PRRG1: variants seen among roughly 807,000 people sequenced by gnomAD.
PRRG1 encodes the protein transmembrane gamma-carboxyglutamic acid protein 1.
Under a neutral mutation model 11.8 loss-of-function variants are expected in PRRG1, and 5 were observed. The observed-to-expected ratio is 0.42, with a 90% CI of 0.22 to 0.89. The LOEUF (loss-of-function observed/expected upper bound fraction) is 0.89, where lower values mean the gene tolerates loss of function less well. PRRG1 is among the 40% of genes least tolerant of loss of function. The pLI is 0.28. For synonymous variants in PRRG1, 66 were observed against 60.4 expected, an observed-to-expected ratio of 1.09 and a Z score of -0.43; for missense variants, 155 against 166.1, an observed-to-expected ratio of 0.93 and a Z score of 0.37.
intron 1 of PRRG1, among the ~76,000 whole-genome samples, chrX:37,371,346 G>A (rs140973114): frequency 3.0e-4 from 33 of 111,770 alleles, no homozygotes; most frequent in African/African-American, 9.4e-4. Flanking sequence ...CTGTTCTGTC[G>A]CTCAGTAAAG....
At chrX:37,374,777 A>C (rs1297895304) in intron 1 of PRRG1, among the ~76,000 whole-genome samples, 6 of 110,482 alleles carry the variant, frequency 5.4e-5, no homozygotes, top group African/African-American at 2.0e-4. Context: ...CTATTTCTCT[A>C]CTGAGGTTTT....
chrX:37,351,525 A>G lies in PRRG1; in HGVS notation c.-42+2130A>G, dbSNP rs180917923. ...AAAAAAAAAGAAAGAAAGAAAGAAA[A>G]AAAAGATAGTAATTCATATTGCATA... On this transcript the variant is annotated intron_variant, in intron 1 of 3. Transcript: ENST00000378628. Among the ~76,000 whole-genome samples the G allele has an allele frequency of 4.4e-3, 496 of 111,901 alleles. 1 individual carries two copies. Among genetic ancestry groups the G allele is most frequent in the Non-Finnish European group, 6.7e-3 (358 of 53,114 alleles).
chrX:37,388,153 G>T (rs1327288650), intron 1 of PRRG1, among the ~76,000 whole-genome samples: 1 of 112,042 alleles, frequency 8.9e-6, no homozygotes, highest in Non-Finnish European at 1.9e-5. Flanking sequence ...CCACCCCTCT[G>T]GCTTTGCAGG....
intron 1 of PRRG1, among the ~76,000 whole-genome samples, chrX:37,377,155 C>T (rs1295733771): frequency 1.1e-4 from 12 of 111,668 alleles, no homozygotes; most frequent in African/African-American, 3.9e-4. Context: ...TATTTCAAGT[C>T]ATTTTAAATA....
intron 3 of PRRG1, among the ~76,000 whole-genome samples, chrX:37,432,614 G>T (rs73466285): frequency 0.013 from 1,481 of 111,507 alleles, 31 homozygotes; most frequent in African/African-American, 0.044. Flanking sequence ...ACATGCCCCA[G>T]AAAGAAAGAG....
chrX:37,392,007 A>G (rs782094854), intron 1 of PRRG1, among the ~76,000 whole-genome samples: 1 of 108,387 alleles, frequency 9.2e-6, no homozygotes, highest in South Asian at 4.0e-4. Flanking sequence ...TGACTTGTTG[A>G]TGTGTGAAAA....
intron 3 of PRRG1, among the ~76,000 whole-genome samples, chrX:37,439,343 CAT>C (rs1281561314): frequency 8.9e-6 from 1 of 112,300 alleles, no homozygotes; most frequent in Non-Finnish European, 1.9e-5. Context: ...CTTTTCATTC[CAT>C]CCCATTGTTG....
chrX:37,415,045 G>C (rs146529272), intron 2 of PRRG1, among the ~76,000 whole-genome samples: 3,102 of 112,356 alleles, frequency 0.028, 106 homozygotes, highest in African/African-American at 0.093. Flanking sequence ...AATGCAGTAT[G>C]CATAGGGAAC....
intron 3 of PRRG1, among the ~76,000 whole-genome samples, chrX:37,432,297 A>G (rs371552535): frequency 1.6e-3 from 152 of 93,253 alleles, no homozygotes; most frequent in African/African-American, 8.7e-3. Context: ...CCTGTTAGCC[A>G]GGATGGTCTC....
intron 1 of PRRG1, among the ~76,000 whole-genome samples, chrX:37,391,184 G>C (rs1343777403): frequency 8.9e-6 from 1 of 112,042 alleles, no homozygotes; most frequent in Non-Finnish European, 1.9e-5. Context: ...GGTAGGATTG[G>C]AGGAGGAACT....
intron 1 of PRRG1, among the ~76,000 whole-genome samples, chrX:37,369,409 G>T (rs1317354691): frequency 9.0e-6 from 1 of 111,302 alleles, no homozygotes; most frequent in Non-Finnish European, 1.9e-5. Flanking sequence ...ACATAGATTT[G>T]TGTAAGATGA....
intron 3 of PRRG1, among the ~76,000 whole-genome samples, 189 bp downstream of exon 3, chrX:37,426,189 A>T (rs781887154): frequency 2.1e-4 from 23 of 111,427 alleles, no homozygotes; most frequent in African/African-American, 6.5e-4. Context: ...CTTGTGCTGG[A>T]CTGTCTTTGA....
intron 1 of PRRG1, among the ~76,000 whole-genome samples, chrX:37,403,955 T>C (rs1261810449): frequency 8.9e-6 from 1 of 111,975 alleles, no homozygotes; most frequent in Non-Finnish European, 1.9e-5. Context: ...TCCTTGGTTT[T>C]ATCTTCCCCT....
At position 37,351,962 on chromosome X, in the gene PRRG1, C is replaced by T. The variant is rs181440580; in HGVS notation, c.-42+2567C>T. Among the ~76,000 whole-genome samples the T allele has an allele frequency of 2.3e-4, 26 of 112,471 alleles. No individual in the cohort carries two copies. The East Asian group carries it at 7.3e-3, about 31-fold the overall frequency. On this transcript the variant is annotated intron_variant, in intron 1 of 3. Coordinates refer to ENST00000378628, the MANE Select transcript of PRRG1 (RefSeq NM_001142395.2). The stretch of plus-strand genomic sequence containing the variant: ...TTTTCGGCCTTTGGCTAATGGGTCT[C>T]TTCATGTTACAGTTCCCTGATAGGC...
chrX:37,410,949 AAAATT>A (rs1932333425), intron 2 of PRRG1, among the ~76,000 whole-genome samples: 1 of 112,249 alleles, frequency 8.9e-6, no homozygotes, highest in African/African-American at 3.2e-5. Context: ...AGGTATAAAT[AAAATT>A]ATATGTAAAA....
In PRRG1 at chrX:37,444,284, C is replaced by T. The variant is rs552926264; in HGVS notation, c.172-8852C>T. Among the ~76,000 whole-genome samples the T allele has an allele frequency of 6.9e-4, 77 of 111,788 alleles. 1 individual carries two copies. Among genetic ancestry groups the T allele is most frequent in the African/African-American group, 2.4e-3 (74 of 30,756 alleles). ...TAGATATGAGGAAGAACAAAGCGAG[C>T]ATCTTTTTGTGAGTGTTTACATTTT... On this transcript the variant is annotated intron_variant, in intron 3 of 3. Transcript: ENST00000378628.
At chrX:37,366,600 G>A (rs1930578119) in intron 1 of PRRG1, among the ~76,000 whole-genome samples, 1 of 112,226 alleles carries the variant, frequency 8.9e-6, no homozygotes, top group Non-Finnish European at 1.9e-5. Context: ...ATCAATGGAA[G>A]TGTGGCAAGC....
At position 37,453,791 on chromosome X, in the gene PRRG1, A is replaced by G; in HGVS notation, c.*170A>G. ...TTTTGTTTCTTGTTATAGAATCATTATCCATGCTCATTTTTGCTAGGGGAA... is the reference window on the plus strand; with the variant it reads ...TTTTGTTTCTTGTTATAGAATCATTGTCCATGCTCATTTTTGCTAGGGGAA... On this transcript the variant is annotated 3_prime_UTR_variant, in exon 4 of 4. Transcript: ENST00000378628. The G allele has an allele frequency of 1.8e-6, 1 of 546,787 alleles. No individual in the cohort carries two copies. The highest frequency in any genetic ancestry group is 5.0e-5 in the South Asian group (1 of 20,133). The allele number at this position is 546,787 out of a possible 1,213,427, so 45.1% of individuals were successfully genotyped here.
intron 2 of PRRG1, among the ~76,000 whole-genome samples, chrX:37,414,474 A>G (rs1406042456): frequency 1.8e-5 from 2 of 111,894 alleles, no homozygotes; most frequent in African/African-American, 6.5e-5. Context: ...GGTCAGCAAA[A>G]TGAAGGGGTT....
Sources: allele counts gnomAD v4.1 joint callset (sites outside exome capture counted in the v4.1 genomes callset), GRCh38; gene constraint gnomAD v4.1.1; transcripts MANE v1.5; gene names NCBI Gene and HGNC (gene_info 2026-07-23, HGNC 2026-07-21).